The following ARHGEF10L variants were observed in gnomAD, a reference collection of about 807,000 sequenced individuals.
ARHGEF10L encodes Rho guanine nucleotide exchange factor 10 like.
A neutral mutation model predicts 141.2 loss-of-function variants in ARHGEF10L; 69 were observed. That is an observed-to-expected ratio of 0.49 (90% CI 0.40 to 0.60). ARHGEF10L has a LOEUF of 0.60. Among genes scored for constraint, ARHGEF10L ranks in the 20% least tolerant of loss-of-function variants. ARHGEF10L has a pLI of 0.00. For missense variants in ARHGEF10L, 1,482 were observed against 1,734.3 expected (o/e 0.85, Z 2.58); for synonymous variants, 711 against 718.5 (o/e 0.99, Z 0.17).
intron 26 of ARHGEF10L, among the ~76,000 whole-genome samples, chr1:17,672,336 C>T (rs2063376390): frequency 6.6e-6 from 1 of 152,104 alleles, no homozygotes; most frequent in South Asian, 2.1e-4. Flanking sequence ...TTTTCTGTCT[C>T]CTATCTTATT....
chr1:17,551,918 C>T (rs1414156243), intron 1 of ARHGEF10L, among the ~76,000 whole-genome samples: 4 of 152,132 alleles, frequency 2.6e-5, no homozygotes, highest in South Asian at 4.1e-4. Context: ...TGAAGGTCAC[C>T]GTCCACAGTC....
At chr1:17,618,142 A>T (rs957057371) in intron 9 of ARHGEF10L, among the ~76,000 whole-genome samples, 4 of 152,180 alleles carry the variant, frequency 2.6e-5, no homozygotes, top group African/African-American at 9.7e-5. Context: ...CCAAGTGGCC[A>T]TTCTAAACTC....
In ARHGEF10L at chr1:17,619,188, C is replaced by T. The variant is rs150062144; in HGVS notation, c.836-151C>T. The T allele has an allele frequency of 1.6e-4, 105 of 642,310 alleles. 1 individual carries two copies. Among genetic ancestry groups the T allele is most frequent in the Non-Finnish European group, 2.3e-4 (84 of 358,618 alleles). 39.8% of individuals were successfully genotyped at this position (642,310 alleles called of 1,614,324 possible). A position where few individuals can be genotyped will look rare whatever the true frequency, so the allele number is the denominator to read the frequency against. On this transcript the variant is annotated intron_variant, in intron 9 of 28. Transcript: ENST00000361221. This position sits in a 1 kb window ranked among gnomAD's most constrained non-coding sequence, Gnocchi z 5.0. ...CAGGGAACTCCTGAGAAGGAGCTAC[C>T]GGGCGGCTCTAACCCCACGGGGCCC... is the stretch of plus-strand genomic sequence containing the variant.
At chr1:17,609,019 G>C (rs1375025072) in intron 7 of ARHGEF10L, among the ~76,000 whole-genome samples, 1 of 152,204 alleles carries the variant, frequency 6.6e-6, no homozygotes, top group Non-Finnish European at 1.5e-5. Flanking sequence ...CTGGCCTCAA[G>C]TGATCCACCT....
chr1:17,562,556 G>A (rs55856135), intron 1 of ARHGEF10L, among the ~76,000 whole-genome samples: 111 of 152,372 alleles, frequency 7.3e-4, no homozygotes, highest in Non-Finnish European at 1.5e-3. Context: ...ATGACAGTGA[G>A]CATTCATTTA....
In ARHGEF10L at chr1:17,642,858, C is replaced by T. The variant is rs3766305; in HGVS notation, c.2272+2556C>T. Among the ~76,000 whole-genome samples, 148 of 152,302 alleles carry T rather than the reference C, an allele frequency of 9.7e-4. 2 individuals are homozygous for T. In the East Asian group the frequency reaches 0.019, roughly 20 times the overall value. The stretch of plus-strand genomic sequence containing the variant: ...CATCACTTCCATCCTGAGAAGTGCC[C>T]GAGCCCCATGTTACACCTGCTTTAA... On this transcript the variant is annotated intron_variant, in intron 21 of 28. Transcript: ENST00000361221.
At chr1:17,655,718 C>T (rs2062199220) in intron 23 of ARHGEF10L, among the ~76,000 whole-genome samples, 161 bp from the exon 24 acceptor site, 1 of 152,180 alleles carries the variant, frequency 6.6e-6, no homozygotes, top group African/African-American at 2.4e-5. Context: ...GTTGCCATGG[C>T]AGCTGGGGAT....
At chr1:17,646,414 G>T (rs547431563) in intron 21 of ARHGEF10L, among the ~76,000 whole-genome samples, 2 of 152,216 alleles carry the variant, frequency 1.3e-5, no homozygotes, top group Non-Finnish European at 2.9e-5. Flanking sequence ...TGAGAAAAGA[G>T]ACTTTTTGTT....
chr1:17,547,026 C>T (rs2076941603), intron 1 of ARHGEF10L, among the ~76,000 whole-genome samples: 1 of 150,998 alleles, frequency 6.6e-6, no homozygotes, highest in Non-Finnish European at 1.5e-5. Context: ...TCCTGCCTCT[C>T]CACTCTTGTG....
At position 17,635,042 on chromosome 1, in the gene ARHGEF10L, C is replaced by T. The variant is rs746436116; in HGVS notation, c.1927+26C>T. On this transcript the variant is annotated intron_variant, in intron 18 of 28. Transcript: ENST00000361221. Reference sequence around the variant, plus strand: ...GTGAGTACCCCCTCTCTGTGCCCTGCGTTCGTCACCCTCGCCCTCACCAGC... The same window carrying T: ...GTGAGTACCCCCTCTCTGTGCCCTGTGTTCGTCACCCTCGCCCTCACCAGC... 2.4e-5 allele frequency: 39 copies of T among 1,612,590 alleles called. No individual in the cohort carries two copies. In the Middle Eastern group the frequency reaches 4.9e-4, roughly 20 times the overall value.
At chr1:17,613,814 A>G (rs948112292) in intron 8 of ARHGEF10L, among the ~76,000 whole-genome samples, 5 of 152,118 alleles carry the variant, frequency 3.3e-5, no homozygotes, top group Non-Finnish European at 5.9e-5. Flanking sequence ...TTGAATCCCA[A>G]TCTCACCACT....
rs371339434 is a variant in ARHGEF10L at position 17,695,035 on chromosome 1, G to A, written c.3185-123G>A. On this transcript the variant is annotated intron_variant, in intron 27 of 28. Coordinates refer to ENST00000361221, the MANE Select transcript of ARHGEF10L (RefSeq NM_018125.4). The stretch of plus-strand genomic sequence containing the variant: ...AGCCCCAGCTCTTCCCCACCCCACC[G>A]CCCAACTTCTTGCTGGTTTCAGGGG... The A allele has an allele frequency of 1.4e-4, 204 of 1,456,142 alleles. 1 individual carries two copies. The highest frequency in any genetic ancestry group is 1.1e-3 in the South Asian group (100 of 87,666). 90.2% of individuals were successfully genotyped at this position (1,456,142 alleles called of 1,614,324 possible). A position where few individuals can be genotyped will look rare whatever the true frequency, so the allele number is the denominator to read the frequency against.
chr1:17,564,142 C>T (rs1412546465), intron 1 of ARHGEF10L, among the ~76,000 whole-genome samples: 1 of 152,214 alleles, frequency 6.6e-6, no homozygotes, highest in Non-Finnish European at 1.5e-5. Flanking sequence ...AGTGCTTGCT[C>T]TGGCCTGCAC....
chr1:17,614,850 G>A (rs528271129), intron 8 of ARHGEF10L, among the ~76,000 whole-genome samples: 2 of 152,212 alleles, frequency 1.3e-5, no homozygotes, highest in Admixed American at 6.5e-5. Context: ...ACAGCACCTG[G>A]TGGCTTTTCA....
intron 4 of ARHGEF10L, among the ~76,000 whole-genome samples, chr1:17,592,017 G>A (rs1276923419): frequency 6.6e-6 from 1 of 152,202 alleles, no homozygotes; most frequent in Non-Finnish European, 1.5e-5. Context: ...CCTCAAAGCT[G>A]TCTACTGAGG....
chr1:17,546,741 T>C (rs2076929737), intron 1 of ARHGEF10L, among the ~76,000 whole-genome samples: 2 of 152,214 alleles, frequency 1.3e-5, no homozygotes, highest in African/African-American at 4.8e-5. Flanking sequence ...TGGTCATAGC[T>C]GGGTTTGTTA....
chr1:17,615,648 G>C lies in ARHGEF10L; in HGVS notation c.727-446G>C, dbSNP rs577460141. 1 of 158,230 alleles carries C rather than the reference G, an allele frequency of 6.3e-6. No homozygotes were observed. The highest frequency in any genetic ancestry group is 1.4e-5 in the Non-Finnish European group (1 of 71,388). 9.8% of individuals were successfully genotyped at this position (158,230 alleles called of 1,614,324 possible). On this transcript the variant is annotated intron_variant, in intron 8 of 28. Transcript: ENST00000361221. The surrounding 1 kb of genome is among the most constrained non-coding windows in gnomAD (Gnocchi z 4.7). ...CTGCTCAGGGAGCTTTCCCAGACCC[G>C]GAATGTTTGGTGCTCACAGACCCTG...
At chr1:17,548,060 G>T (rs1300027371) in intron 1 of ARHGEF10L, among the ~76,000 whole-genome samples, 1 of 152,136 alleles carries the variant, frequency 6.6e-6, no homozygotes, top group Non-Finnish European at 1.5e-5. Flanking sequence ...GTGTCATAAG[G>T]CATGGAGATT....
intron 27 of ARHGEF10L, among the ~76,000 whole-genome samples, chr1:17,693,230 T>G (rs973784084): frequency 9.2e-5 from 14 of 152,218 alleles, no homozygotes; most frequent in African/African-American, 2.9e-4. Flanking sequence ...GGCTGATGGC[T>G]GTCAAATTGG....
Sources: gnomAD v4.1 joint callset for allele counts (sites outside exome capture counted in the v4.1 genomes callset) on GRCh38, gnomAD v4.1.1 for gene constraint, Gnocchi (gnomAD v3.1) non-coding constraint, MANE v1.5 for transcripts, NCBI Gene and HGNC (gene_info 2026-07-23, HGNC 2026-07-21) for gene names.